The following MRPL37 variants were observed in gnomAD, a reference collection of about 807,000 sequenced individuals.
MRPL37 encodes mitochondrial ribosomal protein L37, also known as large ribosomal subunit protein mL37.
Under a neutral mutation model 44.1 loss-of-function variants are expected in MRPL37, and 34 were observed. The ratio of observed to expected loss-of-function variants is 0.77; its 90% confidence interval spans 0.59 to 1.03. MRPL37 has a LOEUF of 1.03. Ranked by LOEUF, MRPL37 falls within the 50% of genes least tolerant of loss-of-function variation. MRPL37 has a pLI of 0.00. For synonymous variants in MRPL37, 212 were observed against 219.5 expected, an observed-to-expected ratio of 0.97 and a Z score of 0.30; for missense variants, 532 against 543.7, an observed-to-expected ratio of 0.98 and a Z score of 0.21.
rs943553531 is a variant in MRPL37, at chr1:54,218,275, A to T, written c.*26A>T. On this transcript the variant is annotated 3_prime_UTR_variant, in exon 7 of 7. Coordinates refer to ENST00000360840, the MANE Select transcript of MRPL37 (RefSeq NM_016491.4). Reference sequence around the variant, plus strand: ...GCGGAGGACCCCTCTGAATCCTGAAACCCCTCTTGCCTCTCTTCCACGGAA... The same window carrying T: ...GCGGAGGACCCCTCTGAATCCTGAATCCCCTCTTGCCTCTCTTCCACGGAA... 1 of 1,613,530 alleles carries T rather than the reference A, an allele frequency of 6.2e-7. No individual in the cohort carries two copies. The highest frequency in any genetic ancestry group is 8.5e-7 in the Non-Finnish European group (1 of 1,179,906).
intron 1 of MRPL37, among the ~76,000 whole-genome samples, chr1:54,202,453 C>T (rs530528537): frequency 6.6e-6 from 1 of 152,328 alleles, no homozygotes; most frequent in South Asian, 2.1e-4. Flanking sequence ...CTTAAGCTCC[C>T]TTCCATCCGA....
At chr1:54,220,695 C>T (rs1390340156), downstream of MRPL37, 4 of 471,496 alleles carry the variant, frequency 8.5e-6, no homozygotes, top group East Asian at 7.0e-5. Flanking sequence ...AGTGATGCAG[C>T]GGAACTTGAG....
downstream of MRPL37, among the ~76,000 whole-genome samples, chr1:54,219,637 T>C (rs967385705): frequency 4.6e-5 from 7 of 152,218 alleles, no homozygotes; most frequent in African/African-American, 1.7e-4. Flanking sequence ...GAAACAATTA[T>C]ACATAAATGA....
At chr1:54,206,183 G>A (rs1458146807) in intron 3 of MRPL37, among the ~76,000 whole-genome samples, 1 of 152,104 alleles carries the variant, frequency 6.6e-6, no homozygotes, top group Admixed American at 6.6e-5. Context: ...GGCAATCTCA[G>A]CTTACTGCAA....
At position 54,213,889 on chromosome 1, in the gene MRPL37, AAC is replaced by A. The variant is rs1481776650; in HGVS notation, c.990+1235_990+1236del. 7.2e-5 allele frequency among the ~76,000 whole-genome samples: 11 copies of A among 152,324 alleles called. No individual in the cohort carries two copies. In the East Asian group the frequency reaches 1.2e-3, roughly 16 times the overall value. On this transcript the variant is annotated intron_variant, in intron 5 of 6. Transcript: ENST00000360840. ...ATGGCAAAACCCCATCTCTACTAAA[AAC>A]ACAAAGATTAGCTGGGTGTGATGGT...
Position 54,216,071 on chromosome 1 carries a change from T to G in MRPL37, c.991-70T>G, listed in dbSNP as rs1644194984. 4 of 1,530,600 alleles carry G rather than the reference T, an allele frequency of 2.6e-6. No individual in the cohort carries two copies. The East Asian group carries it at 9.0e-5, about 34-fold the overall frequency. 94.8% of individuals were successfully genotyped at this position (1,530,600 alleles called of 1,614,324 possible). On this transcript the variant is annotated intron_variant, in intron 5 of 6. Transcript: ENST00000360840. Reference sequence around the variant, plus strand: ...CGTTGTAAAGGGAAGAACTAGAAGCTGCCTGGGCCGTGCTGTTCCTTACAC... The same window carrying G: ...CGTTGTAAAGGGAAGAACTAGAAGCGGCCTGGGCCGTGCTGTTCCTTACAC...
At chr1:54,205,254 C>A in intron 2 of MRPL37, 41 bp from the exon 3 acceptor site, 1 of 1,607,642 alleles carries the variant, frequency 6.2e-7, no homozygotes, top group Non-Finnish European at 8.5e-7. Context: ...TCGAGTCGAC[C>A]TGTTGCTTTA....
chr1:54,217,340 G>T (rs1229790814), intron 6 of MRPL37, among the ~76,000 whole-genome samples: 1 of 152,154 alleles, frequency 6.6e-6, no homozygotes, highest in African/African-American at 2.4e-5. Context: ...AGTCACACCA[G>T]CCACCTCCGT....
downstream of MRPL37, among the ~76,000 whole-genome samples, chr1:54,218,721 G>A (rs889765228): frequency 1.3e-5 from 2 of 152,226 alleles, no homozygotes. Context: ...TTTCTCCCTC[G>A]TATCCTGGTT....
At chr1:54,213,873 C>A (rs978945035) in intron 5 of MRPL37, among the ~76,000 whole-genome samples, 6 of 152,198 alleles carry the variant, frequency 3.9e-5, no homozygotes, top group African/African-American at 1.4e-4. Flanking sequence ...CATGGCAAAA[C>A]CCCATCTCTA....
At position 54,200,508 on chromosome 1, in the gene MRPL37, C is replaced by T; in HGVS notation, c.265C>T (p.Arg89Cys). The change falls in exon 1 of 7, where the codon CGC (arginine) becomes TGC (cysteine). Residue 89 changes from arginine to cysteine, a missense_variant. Physicochemically the swap from Arg to Cys is radical, Grantham distance 180. Coordinates refer to ENST00000360840, the MANE Select transcript of MRPL37 (RefSeq NM_016491.4). ...DRGYKDPRFY[R>C]SPPLHEHPLY... is the part of the protein sequence containing the mutation. ...CGGCTACAAGGACCCAAGGTTCTAC[C>T]GCTCGCCCCCTCTTCACGAGCATCC... is the stretch of plus-strand genomic sequence containing the variant. The T allele has an allele frequency of 6.2e-7, 1 of 1,614,168 alleles. No homozygotes were observed. The highest frequency in any genetic ancestry group is 8.5e-7 in the Non-Finnish European group (1 of 1,180,010).
intron 3 of MRPL37, among the ~76,000 whole-genome samples, chr1:54,206,225 G>T (rs1267476140): frequency 6.6e-6 from 1 of 151,884 alleles, no homozygotes; most frequent in African/African-American, 2.4e-5. Context: ...CCATTCTTCT[G>T]CCTCAGCCTC....
chr1:54,212,461 G>T (rs753806997), intron 4 of MRPL37, 40 bp from the exon 5 acceptor site: 1 of 1,605,252 alleles, frequency 6.2e-7, no homozygotes. Flanking sequence ...GCAGGCTGAT[G>T]AATCCTTTCC....
At chr1:54,223,264 ACT>A (rs1283243596), downstream of MRPL37, among the ~76,000 whole-genome samples, 1 of 152,104 alleles carries the variant, frequency 6.6e-6, no homozygotes, top group African/African-American at 2.4e-5. Context: ...CTGCCCAGCC[ACT>A]CTGCTCAAGT....
At chr1:54,222,582 C>G (rs1301419308), downstream of MRPL37, among the ~76,000 whole-genome samples, 1 of 152,154 alleles carries the variant, frequency 6.6e-6, no homozygotes, top group African/African-American at 2.4e-5. Flanking sequence ...ACCAGGGCAT[C>G]TCACTTTCCT....
At chr1:54,205,246 G>C in intron 2 of MRPL37, 45 bp downstream of exon 2, 1 of 1,607,476 alleles carries the variant, frequency 6.2e-7, no homozygotes, top group Non-Finnish European at 8.5e-7. Flanking sequence ...ATGGATCTTC[G>C]AGTCGACCTG....
At chr1:54,221,961 C>G (rs989567281), downstream of MRPL37, among the ~76,000 whole-genome samples, 2 of 152,174 alleles carry the variant, frequency 1.3e-5, no homozygotes, top group African/African-American at 2.4e-5. Context: ...AGAGTGGTCT[C>G]CTTTGGATTG....
chr1:54,201,852 T>C (rs1245652401), intron 1 of MRPL37, among the ~76,000 whole-genome samples: 1 of 152,156 alleles, frequency 6.6e-6, no homozygotes, highest in Non-Finnish European at 1.5e-5. Flanking sequence ...GCTCTAATTA[T>C]CACCTATTTT....
chr1:54,218,157 C>A lies in MRPL37; in HGVS notation c.1195-15C>A, dbSNP rs937722425. On this transcript the variant is annotated splice_polypyrimidine_tract_variant and intron_variant, in intron 6 of 6. Transcript: ENST00000360840. ...AACCTAGTAGCAGGATCCTAATGAACCGTGTTCTTTCCAGGAACCTGTTGG... is the reference window on the plus strand; with the variant it reads ...AACCTAGTAGCAGGATCCTAATGAAACGTGTTCTTTCCAGGAACCTGTTGG... The A allele has an allele frequency of 3.7e-6, 6 of 1,606,828 alleles. No individual in the cohort carries two copies. The highest frequency in any genetic ancestry group is 5.1e-6 in the Non-Finnish European group (6 of 1,173,628).
Sources: gnomAD v4.1 joint callset for allele counts (sites outside exome capture counted in the v4.1 genomes callset) on GRCh38, gnomAD v4.1.1 for gene constraint, MANE v1.5 for transcripts, NCBI Gene and HGNC (gene_info 2026-07-23, HGNC 2026-07-21) for gene names.